Variants in IGDCC4 observed in about 807,000 individuals in gnomAD.
IGDCC4 encodes immunoglobulin superfamily DCC subclass member 4.
IGDCC4 carries 72 observed loss-of-function variants against 116.6 expected under a neutral mutation model. That is an observed-to-expected ratio of 0.62 (90% confidence interval 0.51 to 0.75). The LOEUF is 0.75. IGDCC4 is among the 30% of genes least tolerant of loss of function. The probability of loss-of-function intolerance (pLI) is 0.00; values close to 1 mark genes in which losing one functional copy is unlikely to be tolerated. For synonymous variants in IGDCC4, 709 were observed against 719.9 expected, an observed-to-expected ratio of 0.98 and a Z score of 0.24; for missense variants, 1,501 against 1,662.4, an observed-to-expected ratio of 0.90 and a Z score of 1.69.
chr15:65,389,812 G>A (rs2091494953), intron 13 of IGDCC4, among the ~76,000 whole-genome samples: 1 of 152,196 alleles, frequency 6.6e-6, no homozygotes, highest in Non-Finnish European at 1.5e-5. Context: ...ACAGGGTAGA[G>A]GGAGCAGCTC....
At chr15:65,385,617 T>C (rs2091447712) in intron 18 of IGDCC4, 2 of 631,202 alleles carry the variant, frequency 3.2e-6, no homozygotes, top group Non-Finnish European at 5.6e-6. Flanking sequence ...GGCCCTTTCC[T>C]TCGTGAGAAC....
Position 65,395,916 on chromosome 15 carries a change from G to A in IGDCC4, c.1245C>T (p.Cys415=). 6.3e-7 allele frequency: 1 copy of A among 1,590,336 alleles called. No homozygotes were observed. Among genetic ancestry groups the A allele is most frequent in the East Asian group, 2.3e-5 (1 of 44,282 alleles). ...CCACCACGGCCAGCGACGCGGCAGC[G>A]CACGCCATTCCCGCGCTGTTCTCAG... The part of the protein sequence containing the change: ...CVAENSAGMA[C]AAASLAVVVR... The change falls in exon 7 of 20, where the codon TGC becomes TGT. Residue 415 remains cysteine (C), a synonymous_variant. Transcript: ENST00000352385.
Position 65,394,481 on chromosome 15 carries a change from C to A in IGDCC4, c.1644G>T (p.Leu548=). ...CATTGCTCAGGCTGGGGGGCAGGGGCAGCCACGCCACCCTGATGTCCGAAG... is the reference window on the plus strand; with the variant it reads ...CATTGCTCAGGCTGGGGGGCAGGGGAAGCCACGCCACCCTGATGTCCGAAG... ...PNPSDIRVAW[L]PLPPSLSNGQ... is the part of the protein sequence containing the mutation. The change falls in exon 9 of 20, where the codon CTG becomes CTT. Residue 548 remains leucine (L), a synonymous_variant. Coordinates refer to ENST00000352385, the MANE Select transcript of IGDCC4 (RefSeq NM_020962.3). 1 of 1,613,856 alleles carries A rather than the reference C, an allele frequency of 6.2e-7. No individual in the cohort carries two copies. The highest frequency in any genetic ancestry group is 1.3e-5 in the African/African-American group (1 of 75,018).
Position 65,384,517 on chromosome 15 carries a change from A to G in IGDCC4, c.3343-98T>C. On this transcript the variant is annotated intron_variant, in intron 19 of 19. Transcript: ENST00000352385. This position sits in a 1 kb window ranked among gnomAD's most constrained non-coding sequence, Gnocchi z 4.9. ...GGGGCAGAAAGTCTGACCCTCCATC[A>G]GAGTAAGTATCACATGGGAGTCGGT... is the stretch of plus-strand genomic sequence containing the variant. 8.3e-7 allele frequency: 1 copy of G among 1,209,526 alleles called. No individual in the cohort carries two copies. The highest frequency in any genetic ancestry group is 1.1e-6 in the Non-Finnish European group (1 of 884,406). 74.9% of individuals were successfully genotyped at this position (1,209,526 alleles called of 1,614,324 possible).
chr15:65,410,642 G>A (rs2063082237), intron 2 of IGDCC4: 1 of 469,162 alleles, frequency 2.1e-6, no homozygotes, highest in East Asian at 3.9e-5. Context: ...GGGTAAGGCT[G>A]GAGCGTGGGG....
In IGDCC4 at chr15:65,395,221, G is replaced by C. The variant is rs745994988; in HGVS notation, c.1449C>G (p.Asn483Lys). ...CCCGAACCTGTAGTTCTGTGGTGTC[G>C]TTGTTCACTGCAAACTGGTATTCCA... ...DNVEYQFAVN[N>K]DTTELQVRDL... The change falls in exon 8 of 20, where the codon AAC becomes AAG. Residue 483 changes from asparagine to lysine, a missense_variant. By Grantham distance (94) the Asn-to-Lys change is moderately conservative. Coordinates refer to ENST00000352385, the MANE Select transcript of IGDCC4 (RefSeq NM_020962.3). The C allele has an allele frequency of 6.2e-7, 1 of 1,613,668 alleles. No homozygotes were observed. Among genetic ancestry groups the C allele is most frequent in the East Asian group, 2.2e-5 (1 of 44,840 alleles).
chr15:65,400,500 T>A (rs2062973479), intron 5 of IGDCC4, among the ~76,000 whole-genome samples: 1 of 152,286 alleles, frequency 6.6e-6, no homozygotes, highest in South Asian at 2.1e-4. Context: ...AACAGAAATA[T>A]GTAATTATGG....
Position 65,397,004 on chromosome 15 carries a change from G to A in IGDCC4, c.842-15C>T. 1 of 1,573,750 alleles carries A rather than the reference G, an allele frequency of 6.4e-7. No homozygotes were observed. ...GGGCTTCCCGTCTGGGGAAGGAGAGGGAGACGCGCTGGAGGGGACGCTAGG... is the reference window on the plus strand; with the variant it reads ...GGGCTTCCCGTCTGGGGAAGGAGAGAGAGACGCGCTGGAGGGGACGCTAGG... On this transcript the variant is annotated splice_polypyrimidine_tract_variant and intron_variant, in intron 5 of 19. Transcript: ENST00000352385.
At position 65,397,487 on chromosome 15, in the gene IGDCC4, A is replaced by G. The variant is rs142982727; in HGVS notation, c.842-498T>C. On this transcript the variant is annotated intron_variant, in intron 5 of 19. Coordinates refer to ENST00000352385, the MANE Select transcript of IGDCC4 (RefSeq NM_020962.3). ...ATCTAGAGAAGCAATGCAAATAGCCAAGAAACACAAAAATGTTCAACTTCA... is the reference window on the plus strand; with the variant it reads ...ATCTAGAGAAGCAATGCAAATAGCCGAGAAACACAAAAATGTTCAACTTCA... 6.6e-3 allele frequency among the ~76,000 whole-genome samples: 1,010 copies of G among 152,324 alleles called. 3 individuals carry two copies. Among genetic ancestry groups the G allele is most frequent in the Non-Finnish European group, 1.0e-2 (680 of 68,020 alleles).
At chr15:65,422,541 C>CAG (rs1364593253) in intron 1 of IGDCC4, among the ~76,000 whole-genome samples, 1 of 151,462 alleles carries the variant, frequency 6.6e-6, no homozygotes, top group African/African-American at 2.4e-5. Flanking sequence ...CACACACACA[C>CAG]ACACACACAC....
Position 65,390,175 on chromosome 15 carries a change from G to A in IGDCC4, c.2388C>T (p.Ser796=), listed in dbSNP as rs370791828. The A allele has an allele frequency of 3.3e-5, 52 of 1,591,746 alleles. No individual in the cohort carries two copies. Among genetic ancestry groups the A allele is most frequent in the Non-Finnish European group, 4.5e-5 (52 of 1,162,436 alleles). Residue 796 remains serine, a synonymous_variant, in exon 13 of 20, where the codon TCC becomes TCT. Transcript: ENST00000352385. ...RFSPWGLRNA[S]LVTYYTSSGE... is the part of the protein sequence containing the mutation. ...CCCACCTGGTGTAATAGGTGACCAGGGAGGCATTCCTGAGCCCCCAGGGGC... is the reference window on the plus strand; with the variant it reads ...CCCACCTGGTGTAATAGGTGACCAGAGAGGCATTCCTGAGCCCCCAGGGGC...
chr15:65,400,959 C>T lies in IGDCC4; in HGVS notation c.701-13G>A, dbSNP rs751936847. 3 of 1,614,044 alleles carry T rather than the reference C, an allele frequency of 1.9e-6. No individual in the cohort carries two copies. The highest frequency in any genetic ancestry group is 4.5e-5 in the East Asian group (2 of 44,860). ...GACGCCAGGGACCCTGGCGAGAAGA[C>T]AGACCAGCAGGCAGCCTTACCATTA... On this transcript the variant is annotated splice_polypyrimidine_tract_variant and intron_variant, in intron 4 of 19. Coordinates refer to ENST00000352385, the MANE Select transcript of IGDCC4 (RefSeq NM_020962.3).
Position 65,391,871 on chromosome 15 carries a change from C to T in IGDCC4, c.2224+9G>A, listed in dbSNP as rs187099795. On this transcript the variant is annotated intron_variant, in intron 12 of 19. Transcript: ENST00000352385. ...AGCCCTCCCCGCCTTCTTCCCCCAC[C>T]GCCCTCACCTGGTGCCGGCGCCTTC... 3,850 of 1,611,954 alleles carry T rather than the reference C, an allele frequency of 2.4e-3. 19 individuals carry two copies. Among genetic ancestry groups the T allele is most frequent in the Non-Finnish European group, 2.1e-3 (2,443 of 1,179,052 alleles).
At chr15:65,408,132 G>A (rs190106917) in intron 3 of IGDCC4, among the ~76,000 whole-genome samples, 1 of 152,318 alleles carries the variant, frequency 6.6e-6, no homozygotes, top group Non-Finnish European at 1.5e-5. Context: ...AGAGGAAAAT[G>A]TGAAAATAAG....
intron 5 of IGDCC4, among the ~76,000 whole-genome samples, chr15:65,398,193 A>G (rs1172388763): frequency 6.6e-6 from 1 of 152,164 alleles, no homozygotes; most frequent in East Asian, 1.9e-4. Context: ...TTCTGCATCT[A>G]TTTTTTTCCT....
At position 65,385,952 on chromosome 15, in the gene IGDCC4, G is replaced by A. The variant is rs753282771; in HGVS notation, c.3059C>T (p.Ser1020Phe). Residue 1020 changes from serine to phenylalanine, a missense_variant, in exon 18 of 20, where the codon TCC (serine) becomes TTC (phenylalanine). By Grantham distance (155) the Ser-to-Phe change is radical. This residue lies in a region of IGDCC4 where 368 missense variants were observed against 355.6 expected (regional missense o/e 1.03). Coordinates refer to ENST00000352385, the MANE Select transcript of IGDCC4 (RefSeq NM_020962.3). Reference sequence around the variant, plus strand: ...GTCCTGGGGATGGGGGTGCACAAGGGACTCCAATTCATGGGCAGCTGGGGG... The same window carrying A: ...GTCCTGGGGATGGGGGTGCACAAGGAACTCCAATTCATGGGCAGCTGGGGG... ...PSPPAAHELE[S>F]LVHPHPQDWS... 3.1e-6 allele frequency: 5 copies of A among 1,602,592 alleles called. No individual in the cohort carries two copies. The East Asian group carries it at 1.1e-4, about 36-fold the overall frequency.
In IGDCC4 at chr15:65,402,426, G is replaced by C; in HGVS notation, c.625C>G (p.Pro209Ala). Reference sequence around the variant, plus strand: ...GAGTTGGTGGCCACGCAGCGGTAGGGGCCTGCATCACTCTCCTGAACATCC... The same window carrying C: ...GAGTTGGTGGCCACGCAGCGGTAGGCGCCTGCATCACTCTCCTGAACATCC... ...ILDVQESDAG[P>A]YRCVATNSAR... The change falls in exon 4 of 20, where the codon CCC becomes GCC. Residue 209 changes from proline (P) to alanine (A), a missense_variant. Transcript: ENST00000352385. The C allele has an allele frequency of 6.4e-7, 1 of 1,567,502 alleles. No individual in the cohort carries two copies. The highest frequency in any genetic ancestry group is 8.7e-7 in the Non-Finnish European group (1 of 1,155,402).
At chr15:65,405,010 C>CCA (rs2063026505) in intron 3 of IGDCC4, among the ~76,000 whole-genome samples, 1 of 151,990 alleles carries the variant, frequency 6.6e-6, no homozygotes, top group African/African-American at 2.4e-5. Flanking sequence ...AGTGATTGTG[C>CCA]CACCGCACTC....
intron 1 of IGDCC4, 71 bp downstream of exon 1, chr15:65,422,722 C>G (rs1215228200): frequency 2.5e-6 from 3 of 1,194,644 alleles, no homozygotes; most frequent in East Asian, 7.0e-5. Flanking sequence ...CCCCGCAGCC[C>G]GATGCAGACC....
Sources: allele counts gnomAD v4.1 joint callset (sites outside exome capture counted in the v4.1 genomes callset), GRCh38; gene constraint gnomAD v4.1.1; regional missense constraint gnomAD v4.1.1; non-coding constraint Gnocchi (gnomAD v3.1); transcripts MANE v1.5; gene names NCBI Gene and HGNC (gene_info 2026-07-23, HGNC 2026-07-21).